The following AOAH variants were observed in gnomAD, a reference collection of about 807,000 sequenced individuals.
AOAH encodes acyloxyacyl hydrolase (neutrophil).
Under a neutral mutation model 92.2 loss-of-function variants are expected in AOAH, and 64 were observed. The ratio of observed to expected loss-of-function variants is 0.69; its 90% confidence interval spans 0.57 to 0.86. The LOEUF (loss-of-function observed/expected upper bound fraction) is 0.86, where lower values mean the gene tolerates loss of function less well. Among genes scored for constraint, AOAH ranks in the 40% least tolerant of loss-of-function variants. AOAH has a pLI of 0.00. For missense variants in AOAH, 656 were observed against 694.6 expected, an observed-to-expected ratio of 0.94 and a Z score of 0.62; for synonymous variants, 263 against 254.5, an observed-to-expected ratio of 1.03 and a Z score of -0.32.
intron 7 of AOAH, among the ~76,000 whole-genome samples, chr7:36,622,020 T>C (rs546129582): frequency 1.1e-4 from 16 of 152,252 alleles, no homozygotes; most frequent in South Asian, 6.2e-4. Flanking sequence ...TGTGTGTGCA[T>C]ATGTGAATGT....
At chr7:36,582,924 A>T (rs1467705281) in intron 12 of AOAH, among the ~76,000 whole-genome samples, 2 of 151,802 alleles carry the variant, frequency 1.3e-5, no homozygotes. Context: ...GGCTCACTGC[A>T]ACCTCCACCT....
At chr7:36,530,582 C>T in intron 18 of AOAH, 68 bp from the exon 19 acceptor site, 1 of 1,054,318 alleles carries the variant, frequency 9.5e-7, no homozygotes, top group South Asian at 1.3e-5. Context: ...ACAATTCAGG[C>T]AGAACAAAGA....
chr7:36,646,770 C>T (rs1438215141), intron 4 of AOAH, among the ~76,000 whole-genome samples: 1 of 152,158 alleles, frequency 6.6e-6, no homozygotes, highest in Non-Finnish European at 1.5e-5. Flanking sequence ...AACACTGCCT[C>T]TGTTGTCACA....
At chr7:36,602,283 T>G (rs1032285950) in intron 11 of AOAH, among the ~76,000 whole-genome samples, 1 of 152,148 alleles carries the variant, frequency 6.6e-6, no homozygotes, top group Non-Finnish European at 1.5e-5. Context: ...TCCTCTTAGT[T>G]TCTTTCTTTT....
At chr7:36,722,277 A>C (rs1261394710) in intron 1 of AOAH, among the ~76,000 whole-genome samples, 1 of 152,116 alleles carries the variant, frequency 6.6e-6, no homozygotes, top group East Asian at 1.9e-4. Flanking sequence ...AATCTCCCCA[A>C]CACCTCCTTC....
At chr7:36,654,644 AGG>A (rs1794773255) in intron 4 of AOAH, among the ~76,000 whole-genome samples, 1 of 152,120 alleles carries the variant, frequency 6.6e-6, no homozygotes, top group African/African-American at 2.4e-5. Context: ...TGTATATCAC[AGG>A]GGAGACTGCT....
intron 16 of AOAH, 147 bp downstream of exon 16, chr7:36,540,172 G>T (rs776493271): frequency 3.0e-6 from 2 of 673,334 alleles, no homozygotes; most frequent in Non-Finnish European, 4.7e-6. Context: ...TTTAGATACT[G>T]CACCTAGGGG....
intron 6 of AOAH, among the ~76,000 whole-genome samples, chr7:36,630,087 C>T (rs1189288925): frequency 6.6e-6 from 1 of 152,136 alleles, no homozygotes; most frequent in Non-Finnish European, 1.5e-5. Flanking sequence ...GCAAGGTATG[C>T]CAACGCCTCA....
In AOAH at chr7:36,630,487, T is replaced by C. The variant is rs151215386; in HGVS notation, c.521+1549A>G. Among the ~76,000 whole-genome samples the C allele has an allele frequency of 4.0e-4, 61 of 152,282 alleles. 1 individual carries two copies. The highest frequency in any genetic ancestry group is 4.7e-4 in the Non-Finnish European group (32 of 68,024). On this transcript the variant is annotated intron_variant, in intron 6 of 20. Transcript: ENST00000617537. ...GTCATTAAAGCATCACTTGTATGTG[T>C]AGCATTCGCAGTCTTGCACCTGTAC... is the stretch of plus-strand genomic sequence containing the variant.
chr7:36,513,413 G>A (rs1200238380), intron 20 of AOAH, 33 bp from the exon 21 acceptor site: 3 of 1,602,966 alleles, frequency 1.9e-6, no homozygotes, highest in South Asian at 2.2e-5. Flanking sequence ...CGAGGAAAAG[G>A]GAAATTAGGA....
chr7:36,590,763 A>G (rs1789685069), intron 12 of AOAH, among the ~76,000 whole-genome samples: 1 of 152,238 alleles, frequency 6.6e-6, no homozygotes, highest in Admixed American at 6.5e-5. Flanking sequence ...CATGTGCCCA[A>G]AATGCCCATG....
intron 7 of AOAH, 122 bp downstream of exon 7, chr7:36,623,068 G>A: frequency 2.3e-6 from 2 of 857,222 alleles, no homozygotes; most frequent in South Asian, 1.4e-5. Context: ...GTGAAATGAT[G>A]TGTTGTTCAT....
chr7:36,537,720 A>C (rs1389498243), intron 16 of AOAH, among the ~76,000 whole-genome samples: 1 of 151,918 alleles, frequency 6.6e-6, no homozygotes, highest in Non-Finnish European at 1.5e-5. Context: ...GCAGGGTTTC[A>C]CCATGTTGGC....
chr7:36,659,370 C>A, intron 3 of AOAH, 105 bp from the exon 4 acceptor site: 1 of 908,850 alleles, frequency 1.1e-6, no homozygotes. Context: ...TTCTAATACC[C>A]TCAACTCCTT....
intron 1 of AOAH, among the ~76,000 whole-genome samples, chr7:36,700,948 TG>T (rs1465239578): frequency 2.6e-5 from 4 of 152,084 alleles, no homozygotes; most frequent in Non-Finnish European, 5.9e-5. Context: ...TGTTGAACAT[TG>T]TTTAATATGC....
chr7:36,676,980 C>T (rs908673756), intron 2 of AOAH, among the ~76,000 whole-genome samples: 1 of 151,698 alleles, frequency 6.6e-6, no homozygotes, highest in Non-Finnish European at 1.5e-5. Context: ...AAAATTCATA[C>T]AAGGAAACAC....
At chr7:36,522,416 AT>A (rs1172047318) in intron 19 of AOAH, among the ~76,000 whole-genome samples, 2 of 152,232 alleles carry the variant, frequency 1.3e-5, no homozygotes, top group African/African-American at 4.8e-5. Context: ...ATTTCAGTAC[AT>A]GTCATTTTTT....
At chr7:36,550,370 AG>A (rs1433710129) in intron 13 of AOAH, 1 of 151,038 alleles carries the variant, frequency 6.6e-6, no homozygotes, top group Admixed American at 6.6e-5. Flanking sequence ...AAAAAAAAAA[AG>A]AAAATCATAT....
rs190717164 is a variant in AOAH, at chr7:36,670,831, T to C, written c.290+3112A>G. ...CCGCTTGTCTCTTGTACAGTTCACA[T>C]GCTGTACAGTTTGCATCTGCAGTGA... On this transcript the variant is annotated intron_variant, in intron 3 of 20. Transcript: ENST00000617537. Among the ~76,000 whole-genome samples the C allele has an allele frequency of 2.8e-3, 409 of 145,044 alleles. 1 individual carries two copies. The highest frequency in any genetic ancestry group is 0.01 in the African/African-American group (390 of 38,218).
Sources: allele counts gnomAD v4.1 joint callset (sites outside exome capture counted in the v4.1 genomes callset), GRCh38; gene constraint gnomAD v4.1.1; transcripts MANE v1.5; gene names NCBI Gene and HGNC (gene_info 2026-07-23, HGNC 2026-07-21).